The following PAK5 variants were observed in gnomAD, a reference collection of about 807,000 sequenced individuals.
PAK5 encodes the protein serine/threonine-protein kinase PAK 5.
A neutral mutation model predicts 65.9 loss-of-function variants in PAK5; 16 were observed. The observed-to-expected ratio is 0.24, with a 90% CI of 0.16 to 0.37. The LOEUF (loss-of-function observed/expected upper bound fraction) is 0.37, where lower values mean the gene tolerates loss of function less well. PAK5 is among the 10% of genes least tolerant of loss of function. The pLI, the probability that PAK5 is intolerant of heterozygous loss-of-function variation, is 1.00. For missense variants in PAK5, 785 were observed against 903.9 expected (o/e 0.87, Z 1.69); for synonymous variants, 371 against 354.9 (o/e 1.05, Z -0.51).
At chr20:9,688,628 T>C (rs978845976) in intron 2 of PAK5, among the ~76,000 whole-genome samples, 1 of 151,656 alleles carries the variant, frequency 6.6e-6, no homozygotes, top group East Asian at 2.0e-4. Context: ...CCAGGAAACA[T>C]TGGTAATTCC....
intron 7 of PAK5, among the ~76,000 whole-genome samples, chr20:9,554,775 G>C (rs2045481964): frequency 6.6e-6 from 1 of 152,138 alleles, no homozygotes; most frequent in Admixed American, 6.5e-5. Context: ...GAGTCAATAT[G>C]ATGCACTGTT....
chr20:9,648,443 G>A (rs1191263341), intron 2 of PAK5, among the ~76,000 whole-genome samples: 1 of 151,928 alleles, frequency 6.6e-6, no homozygotes, highest in Non-Finnish European at 1.5e-5. Context: ...TTAAATTCCA[G>A]GAGGAAAACA....
At chr20:9,617,288 T>A (rs1374307106) in intron 3 of PAK5, among the ~76,000 whole-genome samples, 1 of 152,186 alleles carries the variant, frequency 6.6e-6, no homozygotes, top group Non-Finnish European at 1.5e-5. Flanking sequence ...GCTTTAACCA[T>A]TTAAAATTTC....
intron 4 of PAK5, among the ~76,000 whole-genome samples, chr20:9,573,380 C>T (rs1344906768): frequency 1.3e-5 from 2 of 152,110 alleles, no homozygotes; most frequent in African/African-American, 4.8e-5. Context: ...ATAATTATAG[C>T]TATGAATTCA....
chr20:9,646,810 T>C (rs1399025385), intron 2 of PAK5, among the ~76,000 whole-genome samples: 1 of 152,184 alleles, frequency 6.6e-6, no homozygotes, highest in African/African-American at 2.4e-5. Context: ...AGCCAGCCTA[T>C]CCTGCTGGAA....
At chr20:9,812,479 T>C (rs921319392) in intron 1 of PAK5, among the ~76,000 whole-genome samples, 3 of 152,140 alleles carry the variant, frequency 2.0e-5, no homozygotes, top group African/African-American at 7.2e-5. Context: ...AGACTTACTA[T>C]AAAGTGTTGG....
At chr20:9,645,356 G>A (rs1280363675) in intron 2 of PAK5, among the ~76,000 whole-genome samples, 2 of 152,220 alleles carry the variant, frequency 1.3e-5, no homozygotes, top group African/African-American at 4.8e-5. Context: ...AACACATAAG[G>A]TAACCTGGGT....
chr20:9,574,526 A>G (rs1489746171), intron 4 of PAK5, among the ~76,000 whole-genome samples: 1 of 152,194 alleles, frequency 6.6e-6, no homozygotes, highest in African/African-American at 2.4e-5. Flanking sequence ...GCCTCAGAAT[A>G]TTGTTCAAAT....
intron 3 of PAK5, among the ~76,000 whole-genome samples, chr20:9,624,858 C>A (rs1407130395): frequency 6.6e-6 from 1 of 152,082 alleles, no homozygotes; most frequent in Non-Finnish European, 1.5e-5. Flanking sequence ...ACTATGAGCC[C>A]CAGTCCTACA....
intron 1 of PAK5, among the ~76,000 whole-genome samples, chr20:9,801,863 G>A (rs757365441): frequency 6.6e-5 from 10 of 152,084 alleles, no homozygotes; most frequent in Non-Finnish European, 1.0e-4. Context: ...AGGGCATGGC[G>A]CTTCATGTAT....
chr20:9,570,467 T>C (rs2045759183), intron 4 of PAK5, among the ~76,000 whole-genome samples: 1 of 114,414 alleles, frequency 8.7e-6, no homozygotes, highest in South Asian at 2.4e-4. Flanking sequence ...AACGTGTGTG[T>C]GTGAGTGTGT....
At chr20:9,652,101 T>G (rs1002154717) in intron 2 of PAK5, among the ~76,000 whole-genome samples, 11 of 152,194 alleles carry the variant, frequency 7.2e-5, no homozygotes, top group Non-Finnish European at 5.9e-5. Flanking sequence ...ACTTGGTAAA[T>G]GTAATAATGG....
chr20:9,565,729 T>C (rs936271528), intron 5 of PAK5, among the ~76,000 whole-genome samples, 164 bp downstream of exon 5: 1 of 152,210 alleles, frequency 6.6e-6, no homozygotes, highest in Non-Finnish European at 1.5e-5. Context: ...CAGCCATATA[T>C]GTGCATAGAA....
At chr20:9,605,766 TA>T (rs2123124658) in intron 3 of PAK5, among the ~76,000 whole-genome samples, 1 of 152,146 alleles carries the variant, frequency 6.6e-6, no homozygotes, top group Non-Finnish European at 1.5e-5. Context: ...CCGTCTCTAC[TA>T]AAAGTACAAA....
At chr20:9,665,239 G>A (rs1236356504) in intron 2 of PAK5, among the ~76,000 whole-genome samples, 1 of 151,594 alleles carries the variant, frequency 6.6e-6, no homozygotes, top group Non-Finnish European at 1.5e-5. Context: ...GGCTTGAAAG[G>A]ACAACTGGAT....
intron 1 of PAK5, among the ~76,000 whole-genome samples, chr20:9,837,373 T>C (rs148080497): frequency 4.3e-4 from 66 of 152,334 alleles, no homozygotes; most frequent in African/African-American, 1.5e-3. Context: ...TAAAAATAAA[T>C]AGTGTGAGTG....
At chr20:9,711,140 CCAGTGCCTACAACAGT>C (rs1357273004) in intron 2 of PAK5, 130 bp downstream of exon 2, 1 of 152,168 alleles carries the variant, frequency 6.6e-6, no homozygotes, top group African/African-American at 2.4e-5. Flanking sequence ...CTTTTAGTTT[CCAGTGCCTACAACAGT>C]TTGCAGGCCT....
intron 1 of PAK5, among the ~76,000 whole-genome samples, chr20:9,827,660 G>T (rs1978373330): frequency 6.6e-6 from 1 of 152,110 alleles, no homozygotes; most frequent in African/African-American, 2.4e-5. Context: ...TGTATAGAAA[G>T]TTTTCAATGA....
At chr20:9,683,652 T>C (rs1181338950) in intron 2 of PAK5, among the ~76,000 whole-genome samples, 2 of 152,196 alleles carry the variant, frequency 1.3e-5, no homozygotes, top group Non-Finnish European at 2.9e-5. Flanking sequence ...TGGTAGATGA[T>C]GTGAGAGCAG....
Sources: allele counts gnomAD v4.1 joint callset (sites outside exome capture counted in the v4.1 genomes callset), GRCh38; gene constraint gnomAD v4.1.1; transcripts MANE v1.5; gene names NCBI Gene and HGNC (gene_info 2026-07-23, HGNC 2026-07-21).